GGNBP2: variants seen among roughly 807,000 people sequenced by gnomAD.
GGNBP2 encodes gametogenetin binding protein 2, also known as gametogenetin-binding protein 2.
A neutral mutation model predicts 85.9 loss-of-function variants in GGNBP2; 10 were observed. The ratio of observed to expected loss-of-function variants is 0.12; its 90% CI spans 0.07 to 0.20. GGNBP2 has a LOEUF of 0.20. Ranked by LOEUF, GGNBP2 falls within the 10% of genes least tolerant of loss-of-function variation. The pLI is 1.00. For missense variants in GGNBP2, 595 were observed against 857.8 expected, an observed-to-expected ratio of 0.69 and a Z score of 3.83; for synonymous variants, 287 against 285.7, an observed-to-expected ratio of 1.00 and a Z score of -0.05.
rs543106036 is a variant in GGNBP2, at chr17:36,552,011, G to T, written c.94-2809G>T. 3.9e-5 allele frequency among the ~76,000 whole-genome samples: 6 copies of T among 152,252 alleles called. No individual in the cohort carries two copies. The South Asian group carries it at 1.0e-3, about 26-fold the overall frequency. ...TTTGGTTAAATAAGGAATATTCTTT[G>T]TTTCTTAAATTGATAGCTTTGATCT... On this transcript the variant is annotated intron_variant, in intron 2 of 13. Coordinates refer to ENST00000613102, the MANE Select transcript of GGNBP2 (RefSeq NM_024835.5).
intron 3 of GGNBP2, among the ~76,000 whole-genome samples, 168 bp downstream of exon 3, chr17:36,555,068 A>G (rs1015154911): frequency 1.3e-5 from 2 of 152,196 alleles, no homozygotes; most frequent in African/African-American, 4.8e-5. Context: ...TACATGATTT[A>G]TGTAACTGCC....
At chr17:36,550,422 C>T (rs1301535358) in intron 2 of GGNBP2, among the ~76,000 whole-genome samples, 1 of 151,980 alleles carries the variant, frequency 6.6e-6, no homozygotes, top group East Asian at 1.9e-4. Context: ...GTGGCATATC[C>T]ACTTGGGAAT....
chr17:36,584,243 G>C (rs1200471641), intron 9 of GGNBP2, among the ~76,000 whole-genome samples: 1 of 152,176 alleles, frequency 6.6e-6, no homozygotes, highest in East Asian at 1.9e-4. Flanking sequence ...TGATGTTCCA[G>C]GAAAAAAGTT....
chr17:36,561,827 G>A (rs920758385), intron 5 of GGNBP2, among the ~76,000 whole-genome samples: 1 of 151,736 alleles, frequency 6.6e-6, no homozygotes, highest in Non-Finnish European at 1.5e-5. Flanking sequence ...GTTTCACCGT[G>A]TTAGCCAGGA....
In GGNBP2 at chr17:36,587,127, G is replaced by T. The variant is rs1233733501; in HGVS notation, c.1772G>T (p.Gly591Val). The T allele has an allele frequency of 2.5e-6, 4 of 1,613,958 alleles. No homozygotes were observed. Among genetic ancestry groups the T allele is most frequent in the Non-Finnish European group, 3.4e-6 (4 of 1,180,034 alleles). Residue 591 changes from glycine to valine, a missense_variant, in exon 13 of 14, where the codon GGT (glycine) becomes GTT (valine). Gly to Val is a moderately radical substitution (Grantham distance 109, BLOSUM62 -3). Transcript: ENST00000613102. ...GAAAGCTGTTGCAGCTCTGAAAAGG[G>T]TGGGCAGCCATTGCCTTGGTTTGAG... is the stretch of plus-strand genomic sequence containing the variant. ...HPESCCSSEK[G>V]GQPLPWFEHR...
intron 5 of GGNBP2, among the ~76,000 whole-genome samples, chr17:36,566,862 A>C (rs1443255692): frequency 6.6e-6 from 1 of 151,726 alleles, no homozygotes; most frequent in Non-Finnish European, 1.5e-5. Context: ...TTTAAAAAGG[A>C]GTGATTACAA....
intron 2 of GGNBP2, among the ~76,000 whole-genome samples, chr17:36,553,282 A>C (rs2074328636): frequency 6.6e-6 from 1 of 152,194 alleles, no homozygotes; most frequent in African/African-American, 2.4e-5. Flanking sequence ...TTGCACATGC[A>C]GTCTGGATTA....
chr17:36,563,091 C>T (rs939811357), intron 5 of GGNBP2, among the ~76,000 whole-genome samples: 1 of 149,828 alleles, frequency 6.7e-6, no homozygotes, highest in Non-Finnish European at 1.5e-5. Context: ...CATGGTGAAA[C>T]CCTGTCTCTA....
rs71274856 is a variant in GGNBP2, at chr17:36,575,648, A to ATTTTTTTTTT, written c.642-2329_642-2320dup. Among the ~76,000 whole-genome samples the ATTTTTTTTTT allele has an allele frequency of 1.3e-4, 7 of 54,908 alleles. 1 individual carries two copies. Among genetic ancestry groups the ATTTTTTTTTT allele is most frequent in the African/African-American group, 6.5e-4 (6 of 9,180 alleles). The allele number at this position is 54,908 out of a possible 152,430, so 36.0% of individuals were successfully genotyped here. ...TATATATATATATATATATATATAT[A>ATTTTTTTTTT]TTTTTTTTTTTTTTTGAGATGGAGT... On this transcript the variant is annotated intron_variant, in intron 6 of 13. Coordinates refer to ENST00000613102, the MANE Select transcript of GGNBP2 (RefSeq NM_024835.5).
At chr17:36,550,785 A>T (rs1021085304) in intron 2 of GGNBP2, among the ~76,000 whole-genome samples, 1 of 152,226 alleles carries the variant, frequency 6.6e-6, no homozygotes, top group African/African-American at 2.4e-5. Flanking sequence ...TGATGCCTCT[A>T]TAAAACCACA....
At chr17:36,583,976 T>C (rs774179762) in intron 9 of GGNBP2, among the ~76,000 whole-genome samples, 2 of 152,216 alleles carry the variant, frequency 1.3e-5, no homozygotes, top group Admixed American at 6.5e-5. Flanking sequence ...ACATCATGCA[T>C]TGGAATTTAT....
chr17:36,545,641 A>C lies in GGNBP2; in HGVS notation c.-84A>C, dbSNP rs1381909205. On this transcript the variant is annotated 5_prime_UTR_variant, in exon 2 of 14. Transcript: ENST00000613102. ...CAGGCAGGAGCTGGGAGGAGGCGGC[A>C]GCGGCGGCGGCAGAAACAGCAGCGG... 6.6e-6 allele frequency: 7 copies of C among 1,062,892 alleles called. No individual in the cohort carries two copies. Among genetic ancestry groups the C allele is most frequent in the South Asian group, 5.5e-5 (4 of 73,030 alleles). 65.8% of individuals were successfully genotyped at this position (1,062,892 alleles called of 1,614,324 possible). A position where few individuals can be genotyped will look rare whatever the true frequency, so the allele number is the denominator to read the frequency against.
intron 5 of GGNBP2, among the ~76,000 whole-genome samples, chr17:36,563,767 T>C (rs1256663927): frequency 4.0e-5 from 6 of 150,436 alleles, no homozygotes; most frequent in Non-Finnish European, 8.9e-5. Context: ...TTTTTTGAGA[T>C]GGAATTTCCC....
Position 36,561,519 on chromosome 17 carries a change from T to C in GGNBP2, c.527+648T>C, listed in dbSNP as rs183524332. Among the ~76,000 whole-genome samples, 464 of 152,284 alleles carry C rather than the reference T, an allele frequency of 3.0e-3. 7 individuals carry two copies. Among genetic ancestry groups the C allele is most frequent in the Non-Finnish European group, 2.2e-3 (148 of 68,022 alleles). On this transcript the variant is annotated intron_variant, in intron 5 of 13. Coordinates refer to ENST00000613102, the MANE Select transcript of GGNBP2 (RefSeq NM_024835.5). ...TACAGAATAGTCATAATGTATAAAT[T>C]ATTTATCTTTCTTGTCTCTAGCTGT...
rs1013817630 is a variant in GGNBP2, at chr17:36,546,105, G to C, written c.93+288G>C. On this transcript the variant is annotated intron_variant, in intron 2 of 13. Coordinates refer to ENST00000613102, the MANE Select transcript of GGNBP2 (RefSeq NM_024835.5). The stretch of plus-strand genomic sequence containing the variant: ...TTTAGGAGACGCTGCTTTTGTCAAA[G>C]CACACATCTCAGAGAGGGGTTGAAG... 1.4e-5 allele frequency: 6 copies of C among 441,324 alleles called. No homozygotes were observed. The Admixed American group carries it at 2.3e-4, about 17-fold the overall frequency. 27.3% of individuals were successfully genotyped at this position (441,324 alleles called of 1,614,324 possible).
intron 7 of GGNBP2, 66 bp from the exon 8 acceptor site, chr17:36,579,179 A>C (rs1259529628): frequency 7.2e-7 from 1 of 1,381,494 alleles, no homozygotes; most frequent in Non-Finnish European, 1.0e-6. Context: ...CTGAACTTGC[A>C]GCTGTGTTAT....
In GGNBP2 at chr17:36,545,761, G is replaced by C. The variant is rs769904805; in HGVS notation, c.37G>C (p.Glu13Gln). The C allele has an allele frequency of 4.4e-6, 7 of 1,584,414 alleles. No homozygotes were observed. In the East Asian group the frequency reaches 1.6e-4, roughly 37 times the overall value. The change falls in exon 2 of 14, where the codon GAG becomes CAG. Residue 13 changes from glutamate (E) to glutamine (Q), a missense_variant. Glu to Gln is a conservative substitution (Grantham distance 29, BLOSUM62 2). This residue lies in a region of GGNBP2 where 216 missense variants were observed against 293.4 expected (regional missense o/e 0.74). Coordinates refer to ENST00000613102, the MANE Select transcript of GGNBP2 (RefSeq NM_024835.5). ...CGTGGCAGTGTGCAGGGACGGGGAG[G>C]AGGAGTTCCCCTTCGAGAGGAGGCA... ...RLVAVCRDGE[E>Q]EFPFERRQIP...
At chr17:36,552,615 A>G (rs2074321068) in intron 2 of GGNBP2, among the ~76,000 whole-genome samples, 1 of 152,238 alleles carries the variant, frequency 6.6e-6, no homozygotes, top group Admixed American at 6.5e-5. Context: ...AATAAGACTG[A>G]GAAGGAAAAC....
At chr17:36,573,687 T>TTTG (rs997570822) in intron 6 of GGNBP2, among the ~76,000 whole-genome samples, 24 of 152,142 alleles carry the variant, frequency 1.6e-4, no homozygotes, top group African/African-American at 5.3e-4. Context: ...ACACTTGTTA[T>TTTG]TTGTTGTTGT....
Sources: allele counts gnomAD v4.1 joint callset (sites outside exome capture counted in the v4.1 genomes callset), GRCh38; gene constraint gnomAD v4.1.1; regional missense constraint gnomAD v4.1.1; transcripts MANE v1.5; gene names NCBI Gene and HGNC (gene_info 2026-07-23, HGNC 2026-07-21).